MYO16: variants seen among roughly 807,000 people sequenced by gnomAD.
MYO16 encodes the protein unconventional myosin-XVI.
MYO16 carries 94 observed loss-of-function variants against 205.3 expected under a neutral mutation model. The observed-to-expected ratio is 0.46, with a 90% CI of 0.39 to 0.54. The LOEUF is 0.54. MYO16 is among the 20% of genes least tolerant of loss of function. The probability of loss-of-function intolerance (pLI) is 0.00; values close to 1 mark genes in which losing one functional copy is unlikely to be tolerated. For missense variants in MYO16, 2,315 were observed against 2,387.5 expected, an observed-to-expected ratio of 0.97 and a Z score of 0.63; for synonymous variants, 988 against 954.0, an observed-to-expected ratio of 1.04 and a Z score of -0.66.
At chr13:108,838,677 AAAT>A (rs1379524922) in intron 9 of MYO16, among the ~76,000 whole-genome samples, 2 of 72,784 alleles carry the variant, frequency 2.7e-5, no homozygotes, top group Non-Finnish European at 3.0e-5. Flanking sequence ...AAAAAAAAAA[AAAT>A]ATATATATAT....
intron 32 of MYO16, among the ~76,000 whole-genome samples, chr13:109,163,150 C>A (rs1210633984): frequency 2.5e-5 from 3 of 118,474 alleles, no homozygotes; most frequent in Non-Finnish European, 5.9e-5. Context: ...TAAATCTTGA[C>A]CTGCTTTCCT....
At chr13:108,551,097 G>T in the MYO16 span, among the ~76,000 whole-genome samples, 3 of 151,970 alleles carry the variant, frequency 2.0e-5, no homozygotes, top group Non-Finnish European at 2.9e-5. Flanking sequence ...ATTTTAATCT[G>T]TACTTTTCTT....
At chr13:108,951,564 T>G (rs1016469099) in intron 16 of MYO16, among the ~76,000 whole-genome samples, 1 of 152,188 alleles carries the variant, frequency 6.6e-6, no homozygotes, top group African/African-American at 2.4e-5. Flanking sequence ...TTTATGTGAT[T>G]TGACACTTTA....
chr13:108,700,205 C>A (rs1016821932), intron 2 of MYO16, among the ~76,000 whole-genome samples: 1 of 151,848 alleles, frequency 6.6e-6, no homozygotes, highest in Admixed American at 6.6e-5. Flanking sequence ...TGGTGGCAGA[C>A]TCCTGTAATC....
At position 108,964,808 on chromosome 13, in the gene MYO16, C is replaced by T. The variant is rs1883727196; in HGVS notation, c.2275C>T (p.Arg759Ter). The T allele has an allele frequency of 3.1e-6, 5 of 1,613,872 alleles. No individual in the cohort carries two copies. The highest frequency in any genetic ancestry group is 3.4e-6 in the Non-Finnish European group (4 of 1,179,978). Residue 759 changes from arginine (R) to a stop codon, truncating the protein, a stop_gained, in exon 20 of 35, where the codon CGA becomes TGA. Coordinates refer to ENST00000457511, the MANE Select transcript of MYO16 (RefSeq NM_001198950.3). LOFTEE classifies it high-confidence loss of function. ...RHTIQIAEFF[R>*]DLLAKSLYSR... Reference sequence around the variant, plus strand: ...TACCATACAGATTGCTGAGTTTTTCCGAGACCTCTTGGCCAAGTCCCTGTA... The same window carrying T: ...TACCATACAGATTGCTGAGTTTTTCTGAGACCTCTTGGCCAAGTCCCTGTA...
the MYO16 span, among the ~76,000 whole-genome samples, chr13:108,549,276 T>C: frequency 6.6e-6 from 1 of 152,114 alleles, no homozygotes; most frequent in African/African-American, 2.4e-5. Context: ...GATTATAAGA[T>C]ACCACACAGC....
intron 34 of MYO16, among the ~76,000 whole-genome samples, chr13:109,194,241 A>G (rs908616829): frequency 6.6e-6 from 1 of 152,206 alleles, no homozygotes; most frequent in African/African-American, 2.4e-5. Context: ...TTGCATTTTC[A>G]TAAACATATG....
At chr13:108,559,554 AG>A in the MYO16 span, among the ~76,000 whole-genome samples, 1 of 143,648 alleles carries the variant, frequency 7.0e-6, no homozygotes, top group Non-Finnish European at 1.5e-5. Context: ...GCTCACTGCA[AG>A]CTCCACCTTC....
chr13:109,205,416 A>T (rs746631595), intron 34 of MYO16, among the ~76,000 whole-genome samples: 1 of 152,216 alleles, frequency 6.6e-6, no homozygotes, highest in Non-Finnish European at 1.5e-5. Context: ...ACATAAGTGC[A>T]TAACCACTTG....
chr13:109,018,647 T>G (rs1391235301), intron 22 of MYO16, among the ~76,000 whole-genome samples: 2 of 152,230 alleles, frequency 1.3e-5, no homozygotes, highest in Non-Finnish European at 2.9e-5. Flanking sequence ...TATAATCTCC[T>G]GGTGTGCCAT....
intron 16 of MYO16, among the ~76,000 whole-genome samples, chr13:108,916,965 G>A (rs565193165): frequency 6.6e-6 from 1 of 152,134 alleles, no homozygotes; most frequent in South Asian, 2.1e-4. Flanking sequence ...AAGAAAAAGG[G>A]GGAGTGTTGA....
intron 2 of MYO16, among the ~76,000 whole-genome samples, chr13:108,685,158 G>T (rs1222025595): frequency 6.6e-6 from 1 of 151,998 alleles, no homozygotes; most frequent in African/African-American, 2.4e-5. Flanking sequence ...GAGTAGCTGG[G>T]ACTACAGGCG....
chr13:108,796,003 C>A (rs868294192), intron 6 of MYO16, among the ~76,000 whole-genome samples: 13 of 152,168 alleles, frequency 8.5e-5, no homozygotes, highest in Admixed American at 2.6e-4. Flanking sequence ...AAACCACAAA[C>A]TCCTACAGTG....
At chr13:108,799,273 C>T (rs977806053) in intron 6 of MYO16, among the ~76,000 whole-genome samples, 5 of 152,332 alleles carry the variant, frequency 3.3e-5, no homozygotes, top group South Asian at 2.1e-4. Flanking sequence ...TGCCATACTT[C>T]CCAGTGACCC....
intron 33 of MYO16, among the ~76,000 whole-genome samples, chr13:109,170,626 G>A (rs1878886915): frequency 6.6e-6 from 1 of 151,404 alleles, no homozygotes; most frequent in African/African-American, 2.4e-5. Context: ...GAGGCAAAAG[G>A]CAAAAACTAC....
chr13:109,054,356 G>A, intron 25 of MYO16: 1 of 362,334 alleles, frequency 2.8e-6, no homozygotes, highest in South Asian at 2.1e-5. Context: ...AGGAAGAGGA[G>A]GAAAGGGAAG....
At chr13:108,934,182 A>G (rs763128362) in intron 16 of MYO16, among the ~76,000 whole-genome samples, 5 of 152,212 alleles carry the variant, frequency 3.3e-5, no homozygotes, top group African/African-American at 7.2e-5. Context: ...TGCTTTCCAC[A>G]GTGGCTGAAC....
chr13:108,951,359 T>C (rs984607319), intron 16 of MYO16, among the ~76,000 whole-genome samples: 1 of 152,090 alleles, frequency 6.6e-6, no homozygotes, highest in African/African-American at 2.4e-5. Context: ...CAATGGAAAG[T>C]GAATTATGCA....
intron 34 of MYO16, among the ~76,000 whole-genome samples, chr13:109,195,365 C>A (rs960483129): frequency 2.0e-5 from 3 of 152,140 alleles, no homozygotes; most frequent in Non-Finnish European, 2.9e-5. Flanking sequence ...GAAGGACCAA[C>A]TCTTTTAAAA....
Sources: allele counts gnomAD v4.1 joint callset (sites outside exome capture counted in the v4.1 genomes callset), GRCh38; gene constraint gnomAD v4.1.1; transcripts MANE v1.5; gene names NCBI Gene and HGNC (gene_info 2026-07-23, HGNC 2026-07-21).